NGLY1: variants seen among roughly 807,000 people sequenced by gnomAD.
NGLY1 encodes the protein peptide-N(4)-(N-acetyl-beta-glucosaminyl)asparagine amidase.
NGLY1 carries 68 observed loss-of-function variants against 84.6 expected under a neutral mutation model. The ratio of observed to expected loss-of-function variants is 0.80; its 90% CI spans 0.66 to 0.98. The LOEUF (loss-of-function observed/expected upper bound fraction) is 0.98. Ranked by LOEUF, NGLY1 falls within the 50% of genes least tolerant of loss-of-function variation. The pLI, the probability that NGLY1 is intolerant of heterozygous loss-of-function variation, is 0.00. For synonymous variants in NGLY1, 280 were observed against 275.2 expected (o/e 1.02, Z -0.17); for missense variants, 779 against 770.2 (o/e 1.01, Z -0.14).
chr3:25,788,525 C>A (rs1028179112), intron 1 of NGLY1, among the ~76,000 whole-genome samples: 2 of 152,132 alleles, frequency 1.3e-5, no homozygotes, highest in African/African-American at 2.4e-5. Flanking sequence ...GAGGTAGATA[C>A]AAAAATGATG....
At chr3:25,785,046 C>T (rs9810848), upstream of NGLY1, among the ~76,000 whole-genome samples, 13,946 of 149,914 alleles carry the variant, frequency 0.093, 1,475 homozygotes, top group African/African-American at 0.27. Flanking sequence ...GCCTCTGCAG[C>T]TGTTGCTCCA....
intron 10 of NGLY1, among the ~76,000 whole-genome samples, chr3:25,728,503 G>A (rs1705373186): frequency 6.6e-6 from 1 of 152,086 alleles, no homozygotes; most frequent in Non-Finnish European, 1.5e-5. Flanking sequence ...TGTTTCTAAG[G>A]AGCAGGCAGT....
chr3:25,729,228 GA>G lies in NGLY1; in HGVS notation c.1515del (p.Arg506GlufsTer57), dbSNP rs1705416478. On this transcript the variant is annotated frameshift_variant, in exon 10 of 12. Transcript: ENST00000280700. LOFTEE classifies it high-confidence loss of function. ...ATGGTTTGATTGTTATTTGAAACTC[GA>G]ACATAACGATCTTTCACAATATTGT... The part of the protein sequence containing the change: ...LCYNIVKDRY[V>X]RVSNNNQTIS... 1 of 1,557,502 alleles carries G rather than the reference GA, an allele frequency of 6.4e-7. No individual in the cohort carries two copies. Among genetic ancestry groups the G allele is most frequent in the South Asian group, 1.2e-5 (1 of 82,156 alleles).
chr3:25,783,346 CG>C lies in NGLY1; in HGVS notation c.44del (p.Pro15ArgfsTer90). ...TGTTCTGGCAGAGCTCAGCCACGGC[CG>C]GGGACGCCGAGCCTGAGGAGCTGCC... ...ALGSSSGSAS[P>X]AVAELCQNTP... On this transcript the variant is annotated frameshift_variant, in exon 1 of 12. Coordinates refer to ENST00000280700, the MANE Select transcript of NGLY1 (RefSeq NM_018297.4). LOFTEE classifies it high-confidence loss of function. This position sits in a 1 kb window ranked among gnomAD's most constrained non-coding sequence, Gnocchi z 4.5. The C allele has an allele frequency of 6.3e-7, 1 of 1,575,406 alleles. No individual in the cohort carries two copies. Among genetic ancestry groups the C allele is most frequent in the Non-Finnish European group, 8.6e-7 (1 of 1,162,458 alleles).
At chr3:25,736,526 C>T in intron 6 of NGLY1, 1 of 653,814 alleles carries the variant, frequency 1.5e-6, no homozygotes, top group Non-Finnish European at 2.6e-6. Flanking sequence ...CCAGAACCAG[C>T]AGGAAGTCTA....
intron 5 of NGLY1, among the ~76,000 whole-genome samples, chr3:25,739,313 T>C (rs1249113711): frequency 6.6e-6 from 1 of 152,202 alleles, no homozygotes; most frequent in Non-Finnish European, 1.5e-5. Context: ...GGTCATATCA[T>C]TTCTGTCACC....
At chr3:25,769,612 A>G (rs1450072996) in intron 2 of NGLY1, among the ~76,000 whole-genome samples, 1 of 152,158 alleles carries the variant, frequency 6.6e-6, no homozygotes, top group Non-Finnish European at 1.5e-5. Context: ...ACAAATTAGT[A>G]TGTAAACTAA....
At position 25,783,429 on chromosome 3, in the gene NGLY1, T is replaced by C; in HGVS notation, c.-39A>G. ...CGGGCGCCGCCGCCGCCCCTCGCTC[T>C]CCGCGTCCCACACTGAGCAGGCGCC... On this transcript the variant is annotated 5_prime_UTR_variant, in exon 1 of 12. Coordinates refer to ENST00000280700, the MANE Select transcript of NGLY1 (RefSeq NM_018297.4). The surrounding 1 kb of genome is among the most constrained non-coding windows in gnomAD (Gnocchi z 4.5). 6.6e-7 allele frequency: 1 copy of C among 1,513,638 alleles called. No homozygotes were observed. Among genetic ancestry groups the C allele is most frequent in the African/African-American group, 1.4e-5 (1 of 69,130 alleles). 93.8% of individuals were successfully genotyped at this position (1,513,638 alleles called of 1,614,324 possible).
intron 10 of NGLY1, among the ~76,000 whole-genome samples, chr3:25,725,297 TC>T (rs1705193524): frequency 6.6e-6 from 1 of 152,220 alleles, no homozygotes; most frequent in African/African-American, 2.4e-5. Flanking sequence ...ACATGGAGGT[TC>T]CTGGAGGGTG....
upstream of NGLY1, chr3:25,783,476 A>G (rs1301228487): frequency 1.5e-6 from 2 of 1,318,850 alleles, no homozygotes; most frequent in Non-Finnish European, 1.9e-6. This position sits in a 1 kb window ranked among gnomAD's most constrained non-coding sequence, Gnocchi z 4.5. Context: ...CAGCTACCGC[A>G]GCCACCGGCA....
At chr3:25,731,657 G>A (rs1705541234) in intron 9 of NGLY1, among the ~76,000 whole-genome samples, 1 of 152,026 alleles carries the variant, frequency 6.6e-6, no homozygotes. Flanking sequence ...GTTCAGAGCA[G>A]CACCATTTAT....
rs118076260 is a variant in NGLY1 at position 25,750,439 on chromosome 3, G to A, written c.658+659C>T. Among the ~76,000 whole-genome samples, 1,184 of 152,260 alleles carry A rather than the reference G, an allele frequency of 7.8e-3. 35 individuals are homozygous for A. Among genetic ancestry groups the A allele is most frequent in the East Asian group, 0.055 (284 of 5,180 alleles). ...TGTATGATTCCACTTATATAAGATAGAATAGTCAAAATCACAGCGACAAAG... is the reference window on the plus strand; with the variant it reads ...TGTATGATTCCACTTATATAAGATAAAATAGTCAAAATCACAGCGACAAAG... On this transcript the variant is annotated intron_variant, in intron 4 of 11. Coordinates refer to ENST00000280700, the MANE Select transcript of NGLY1 (RefSeq NM_018297.4).
chr3:25,753,278 T>C (rs1172559933), intron 3 of NGLY1, among the ~76,000 whole-genome samples: 1 of 152,120 alleles, frequency 6.6e-6, no homozygotes, highest in Admixed American at 6.6e-5. Flanking sequence ...GGGGAAATGA[T>C]TAGGAACACA....
At position 25,783,408 on chromosome 3, in the gene NGLY1, C is replaced by A; in HGVS notation, c.-18G>T. On this transcript the variant is annotated 5_prime_UTR_variant, in exon 1 of 12. Transcript: ENST00000280700. The surrounding 1 kb of genome is among the most constrained non-coding windows in gnomAD (Gnocchi z 4.5). ...GCCGCCATGCTTGAGCGCCAGCGGG[C>A]GCCGCCGCCGCCCCTCGCTCTCCGC... is the stretch of plus-strand genomic sequence containing the variant. 2 of 1,520,726 alleles carry A rather than the reference C, an allele frequency of 1.3e-6. No homozygotes were observed. Among genetic ancestry groups the A allele is most frequent in the Non-Finnish European group, 1.8e-6 (2 of 1,135,456 alleles). The allele number at this position is 1,520,726 out of a possible 1,614,324, so 94.2% of individuals were successfully genotyped here.
chr3:25,737,517 T>A, intron 5 of NGLY1, 62 bp from the exon 6 acceptor site: 1 of 1,365,454 alleles, frequency 7.3e-7, no homozygotes, highest in Non-Finnish European at 1.0e-6. Flanking sequence ...GAATTTACAT[T>A]ACCTCTATGC....
At chr3:25,759,406 T>C (rs574179128) in intron 3 of NGLY1, among the ~76,000 whole-genome samples, 1 of 152,338 alleles carries the variant, frequency 6.6e-6, no homozygotes, top group East Asian at 1.9e-4. Context: ...TTTATTTTTC[T>C]TAAATGCAGA....
chr3:25,726,187 G>GTGCT (rs1489406358), intron 10 of NGLY1, among the ~76,000 whole-genome samples: 1 of 151,822 alleles, frequency 6.6e-6, no homozygotes, highest in Non-Finnish European at 1.5e-5. Flanking sequence ...GGTTCTTACA[G>GTGCT]TGCTCTACAT....
chr3:25,734,716 T>A, intron 7 of NGLY1: 1 of 845,732 alleles, frequency 1.2e-6, no homozygotes, highest in Non-Finnish European at 1.4e-6. Context: ...TCTCGAAAAA[T>A]TAAAATAAAA....
chr3:25,770,211 C>T (rs577828547), intron 2 of NGLY1, among the ~76,000 whole-genome samples: 2 of 152,280 alleles, frequency 1.3e-5, no homozygotes, highest in African/African-American at 4.8e-5. Context: ...AGTGCAATGG[C>T]ATGATCTCAG....
Sources: gnomAD v4.1 joint callset for allele counts (sites outside exome capture counted in the v4.1 genomes callset) on GRCh38, gnomAD v4.1.1 for gene constraint, Gnocchi (gnomAD v3.1) non-coding constraint, MANE v1.5 for transcripts, NCBI Gene and HGNC (gene_info 2026-07-23, HGNC 2026-07-21) for gene names.